ADGRG2: variants seen among roughly 807,000 people sequenced by gnomAD.
The protein encoded by ADGRG2 is adhesion G protein-coupled receptor G2, also known as G protein-coupled receptor 64.
In ADGRG2, 26 loss-of-function variants were observed where a neutral mutation model predicts 74.1. The observed-to-expected ratio is 0.35, with a 90% CI of 0.26 to 0.49. ADGRG2 has a LOEUF of 0.49. Ranked by LOEUF, ADGRG2 falls within the 20% of genes least tolerant of loss-of-function variation. ADGRG2 has a pLI of 0.99. For missense variants in ADGRG2, 619 were observed against 763.1 expected (o/e 0.81, Z 2.22); for synonymous variants, 296 against 295.2 (o/e 1.00, Z -0.03).
rs372775503 is a variant in ADGRG2 at position 19,014,031 on chromosome X, C to T, written c.754G>A (p.Gly252Ser). 8.3e-7 allele frequency: 1 copy of T among 1,204,618 alleles called. No individual in the cohort carries two copies. The highest frequency in any genetic ancestry group is 1.1e-6 in the Non-Finnish European group (1 of 891,838). ...PIVCLADHPRGPPFSSSQSIP... is the reference protein window; with the variant it reads ...PIVCLADHPRSPPFSSSQSIP... ...GATTGGCTGGAAGAAAATGGTGGGCCACGTGGATGGTCAGCAAGACAGACA... is the reference window on the plus strand; with the variant it reads ...GATTGGCTGGAAGAAAATGGTGGGCTACGTGGATGGTCAGCAAGACAGACA... The change falls in exon 16 of 29, where the codon GGC (glycine) becomes AGC (serine). Residue 252 changes from glycine to serine, a missense_variant. Transcript: ENST00000379869.
At chrX:19,022,391 C>T (rs1458435015) in intron 13 of ADGRG2, among the ~76,000 whole-genome samples, 2 of 111,729 alleles carry the variant, frequency 1.8e-5, no homozygotes, top group Non-Finnish European at 3.8e-5. Context: ...GTTGCAATAA[C>T]GAAAAGAGGT....
At chrX:19,001,192 G>A (rs1200095970) in intron 24 of ADGRG2, among the ~76,000 whole-genome samples, 2 of 111,442 alleles carry the variant, frequency 1.8e-5, no homozygotes, top group African/African-American at 6.5e-5. Flanking sequence ...GGTGGTGACT[G>A]CTACTATGCT....
intron 11 of ADGRG2, among the ~76,000 whole-genome samples, chrX:19,024,533 T>G (rs1018773489): frequency 4.4e-5 from 5 of 112,612 alleles, no homozygotes; most frequent in African/African-American, 9.7e-5. Context: ...GAATTCATTC[T>G]AAGGCGGTAG....
chrX:19,009,271 G>A (rs1487255483), intron 18 of ADGRG2, among the ~76,000 whole-genome samples: 2 of 108,671 alleles, frequency 1.8e-5, no homozygotes, highest in African/African-American at 6.7e-5. Context: ...TCTGCCTCCC[G>A]AGTTCAAGCA....
At chrX:19,026,999 C>T (rs1327393603) in intron 11 of ADGRG2, among the ~76,000 whole-genome samples, 1 of 112,039 alleles carries the variant, frequency 8.9e-6, no homozygotes, top group Non-Finnish European at 1.9e-5. Context: ...AATGCTAATT[C>T]AAATGAAGCT....
intron 23 of ADGRG2, 47 bp from the exon 24 acceptor site, chrX:19,003,161 C>A (rs762474796): frequency 4.7e-6 from 5 of 1,053,406 alleles, no homozygotes; most frequent in African/African-American, 1.9e-5. Context: ...ACTCTGCCAA[C>A]CCTCCAACTT....
In ADGRG2 at chrX:19,098,164, T is replaced by C. The variant is rs950264427; in HGVS notation, c.-46-15418A>G. ...GCCTTTTCACTCAATTTCTCTTCTA[T>C]GTTTTTTTTTTCCTTTACTTCTAGA... On this transcript the variant is annotated intron_variant, in intron 1 of 28. Coordinates refer to ENST00000379869, the MANE Select transcript of ADGRG2 (RefSeq NM_001079858.3). Among the ~76,000 whole-genome samples, 4 of 111,361 alleles carry C rather than the reference T, an allele frequency of 3.6e-5. No homozygotes were observed. The Admixed American group carries it at 3.8e-4, about 11-fold the overall frequency.
At chrX:19,093,491 G>C (rs760901529) in intron 1 of ADGRG2, among the ~76,000 whole-genome samples, 1 of 111,900 alleles carries the variant, frequency 8.9e-6, no homozygotes, top group East Asian at 2.8e-4. Flanking sequence ...ATGGTCATAA[G>C]AACACTGCTT....
intron 1 of ADGRG2, among the ~76,000 whole-genome samples, chrX:19,089,094 C>T (rs1448635539): frequency 8.9e-6 from 1 of 112,257 alleles, no homozygotes; most frequent in Non-Finnish European, 1.9e-5. Flanking sequence ...ACATTATTAT[C>T]TAGCCCTATT....
At chrX:19,043,701 T>C (rs1175743056) in intron 3 of ADGRG2, among the ~76,000 whole-genome samples, 2 of 109,414 alleles carry the variant, frequency 1.8e-5, no homozygotes, top group African/African-American at 3.3e-5. Flanking sequence ...CCAGACGAAC[T>C]GGAAACTCAA....
Position 19,013,682 on chromosome X carries a change from T to C in ADGRG2, c.1099+4A>G, listed in dbSNP as rs777809539. 4.3e-6 allele frequency: 5 copies of C among 1,171,004 alleles called. No individual in the cohort carries two copies. Among genetic ancestry groups the C allele is most frequent in the Non-Finnish European group, 5.7e-6 (5 of 877,392 alleles). Reference sequence around the variant, plus strand: ...AGATTGGCCGCTGTTCAAGTGACATTTACCTGTCTGGACAGGAGGTGCGCT... The same window carrying C: ...AGATTGGCCGCTGTTCAAGTGACATCTACCTGTCTGGACAGGAGGTGCGCT... On this transcript the variant is annotated splice_donor_region_variant and intron_variant, in intron 16 of 28. Coordinates refer to ENST00000379869, the MANE Select transcript of ADGRG2 (RefSeq NM_001079858.3).
chrX:19,025,352 G>A (rs2060678856), intron 11 of ADGRG2, among the ~76,000 whole-genome samples: 1 of 111,067 alleles, frequency 9.0e-6, no homozygotes, highest in Non-Finnish European at 1.9e-5. Flanking sequence ...AGCATGCCTG[G>A]GCACTGGGAT....
intron 13 of ADGRG2, 85 bp downstream of exon 13, chrX:19,023,331 A>ATTTTAAC: frequency 1.9e-6 from 1 of 528,764 alleles, no homozygotes; most frequent in South Asian, 3.7e-5. Context: ...CCCCCTTTGC[A>ATTTTAAC]TTTGCAATTT....
At chrX:19,036,940 C>G (rs747775622) in intron 6 of ADGRG2, among the ~76,000 whole-genome samples, 2 of 111,385 alleles carry the variant, frequency 1.8e-5, no homozygotes, top group African/African-American at 6.5e-5. Context: ...TTGGAGGGAA[C>G]AGAATGTACT....
intron 1 of ADGRG2, among the ~76,000 whole-genome samples, chrX:19,099,625 T>C (rs2062154899): frequency 8.9e-6 from 1 of 112,291 alleles, no homozygotes; most frequent in Non-Finnish European, 1.9e-5. Context: ...CCCACATTCG[T>C]GACACCTACA....
chrX:18,997,177 CATTT>C (rs934555171), intron 26 of ADGRG2, among the ~76,000 whole-genome samples: 31 of 112,105 alleles, frequency 2.8e-4, no homozygotes, highest in Middle Eastern at 4.6e-3. Context: ...CAGCTTCATT[CATTT>C]GTCACCCTGG....
At chrX:19,108,178 T>A (rs1602134033) in intron 1 of ADGRG2, among the ~76,000 whole-genome samples, 1 of 103,384 alleles carries the variant, frequency 9.7e-6, no homozygotes, top group African/African-American at 3.7e-5. Flanking sequence ...TAAAAAAAGT[T>A]ACAGAAAGCC....
At chrX:19,006,564 C>T (rs1437257199) in intron 20 of ADGRG2, among the ~76,000 whole-genome samples, 1 of 109,786 alleles carries the variant, frequency 9.1e-6, no homozygotes, top group African/African-American at 3.3e-5. Flanking sequence ...TTCTAGCAAA[C>T]TCCCAGGTGA....
chrX:19,002,593 T>C (rs2060153186), intron 24 of ADGRG2, among the ~76,000 whole-genome samples: 1 of 112,190 alleles, frequency 8.9e-6, no homozygotes, highest in African/African-American at 3.2e-5. Context: ...TTCTAGTTCC[T>C]GGAGATACAA....
Sources: gnomAD v4.1 joint callset for allele counts (sites outside exome capture counted in the v4.1 genomes callset) on GRCh38, gnomAD v4.1.1 for gene constraint, MANE v1.5 for transcripts, NCBI Gene and HGNC (gene_info 2026-07-23, HGNC 2026-07-21) for gene names.